The following ITPR2 variants were observed in gnomAD, a reference collection of about 807,000 sequenced individuals.
ITPR2 encodes inositol 1,4,5-trisphosphate receptor type 2.
In ITPR2, 207 loss-of-function variants were observed where a neutral mutation model predicts 317.1. That is an observed-to-expected ratio of 0.65 (90% confidence interval 0.58 to 0.73). ITPR2 has a LOEUF of 0.73. ITPR2 is among the 30% of genes least tolerant of loss of function. ITPR2 has a pLI of 0.00. For synonymous variants in ITPR2, 1,156 were observed against 1,149.1 expected, an observed-to-expected ratio of 1.01 and a Z score of -0.12; for missense variants, 2,613 against 3,284.0, an observed-to-expected ratio of 0.80 and a Z score of 4.99.
At chr12:26,749,157 A>G (rs1949375678) in intron 2 of ITPR2, among the ~76,000 whole-genome samples, 1 of 152,216 alleles carries the variant, frequency 6.6e-6, no homozygotes, top group East Asian at 1.9e-4. Flanking sequence ...CTGCAGTTTG[A>G]AAGTTCAAGA....
intron 2 of ITPR2, among the ~76,000 whole-genome samples, chr12:26,776,822 G>A (rs1949980684): frequency 6.6e-6 from 1 of 152,124 alleles, no homozygotes; most frequent in Non-Finnish European, 1.5e-5. Context: ...TTCTCCTCAG[G>A]AGCCATCCTC....
chr12:26,750,401 T>C (rs1949393814), intron 2 of ITPR2, among the ~76,000 whole-genome samples: 1 of 152,170 alleles, frequency 6.6e-6, no homozygotes, highest in Admixed American at 6.5e-5. Context: ...CCTCCTCTTC[T>C]GGTTAACACA....
intron 55 of ITPR2, among the ~76,000 whole-genome samples, chr12:26,352,226 A>G (rs1182083806): frequency 6.6e-6 from 1 of 152,236 alleles, no homozygotes; most frequent in Non-Finnish European, 1.5e-5. Context: ...TGAGATTTTC[A>G]TATGGAACAA....
At chr12:26,467,303 T>C (rs1407108135) in intron 45 of ITPR2, among the ~76,000 whole-genome samples, 1 of 152,126 alleles carries the variant, frequency 6.6e-6, no homozygotes, top group East Asian at 1.9e-4. Flanking sequence ...TAGCATGACA[T>C]AAAAAATCCC....
chr12:26,675,313 A>T (rs1201304713), intron 13 of ITPR2, among the ~76,000 whole-genome samples: 6 of 152,262 alleles, frequency 3.9e-5, no homozygotes, highest in Non-Finnish European at 7.3e-5. Flanking sequence ...TCCAACAATG[A>T]TAGACTGGAT....
In ITPR2 at chr12:26,552,139, T is replaced by A. The variant is rs377624691; in HGVS notation, c.4965-1784A>T. Among the ~76,000 whole-genome samples the A allele has an allele frequency of 2.0e-5, 3 of 152,060 alleles. No individual in the cohort carries two copies. The East Asian group carries it at 5.8e-4, about 29-fold the overall frequency. The stretch of plus-strand genomic sequence containing the variant: ...GAAGTGGAAGAGGAAGCAGGGCAGA[T>A]TAGAGACCCCTGAAATGTATAGACT... On this transcript the variant is annotated intron_variant, in intron 36 of 56. Coordinates refer to ENST00000381340, the MANE Select transcript of ITPR2 (RefSeq NM_002223.4).
At chr12:26,677,420 C>T (rs1275233185) in intron 13 of ITPR2, among the ~76,000 whole-genome samples, 1 of 151,836 alleles carries the variant, frequency 6.6e-6, no homozygotes, top group East Asian at 1.9e-4. Flanking sequence ...GGCAACACGG[C>T]GAAACCCTGT....
chr12:26,469,031 A>G (rs999937756), intron 45 of ITPR2, among the ~76,000 whole-genome samples: 1 of 152,158 alleles, frequency 6.6e-6, no homozygotes, highest in Admixed American at 6.5e-5. Flanking sequence ...TTCAAGATTT[A>G]GTTCAAATGT....
At chr12:26,636,508 T>C (rs902459086) in intron 21 of ITPR2, among the ~76,000 whole-genome samples, 1 of 152,162 alleles carries the variant, frequency 6.6e-6, no homozygotes, top group Non-Finnish European at 1.5e-5. Flanking sequence ...AAATGAACTA[T>C]TAAAAATGAG....
intron 36 of ITPR2, 97 bp downstream of exon 36, chr12:26,556,136 C>T (rs916245690): frequency 2.3e-5 from 27 of 1,156,242 alleles, no homozygotes; most frequent in Middle Eastern, 2.2e-4. Flanking sequence ...GCATACTTTG[C>T]GGACTGTCAT....
At chr12:26,593,498 C>G (rs1003735494) in intron 32 of ITPR2, among the ~76,000 whole-genome samples, 1 of 152,098 alleles carries the variant, frequency 6.6e-6, no homozygotes, top group Non-Finnish European at 1.5e-5. Flanking sequence ...TATTTCCTTC[C>G]CTGAAAAAGG....
intron 35 of ITPR2, among the ~76,000 whole-genome samples, chr12:26,560,800 C>A (rs911757280): frequency 1.3e-5 from 2 of 152,186 alleles, no homozygotes; most frequent in Non-Finnish European, 2.9e-5. Flanking sequence ...TCCTTCTAAT[C>A]CCGTATAACA....
At chr12:26,434,922 G>A (rs887179453) in intron 48 of ITPR2, among the ~76,000 whole-genome samples, 7 of 152,188 alleles carry the variant, frequency 4.6e-5, no homozygotes, top group African/African-American at 1.7e-4. Flanking sequence ...CACCAAAGGA[G>A]ACCAAACACA....
chr12:26,477,120 T>G, intron 43 of ITPR2, 113 bp from the exon 44 acceptor site: 1 of 596,956 alleles, frequency 1.7e-6, no homozygotes, highest in Non-Finnish European at 2.9e-6. Flanking sequence ...AAACGGAATT[T>G]AAAACTGCTA....
intron 13 of ITPR2, among the ~76,000 whole-genome samples, chr12:26,666,689 A>G (rs1284886710): frequency 1.3e-5 from 2 of 152,248 alleles, no homozygotes; most frequent in Non-Finnish European, 2.9e-5. Flanking sequence ...GAAGTATTAA[A>G]TGACCTATCA....
At chr12:26,666,363 C>T (rs900225279) in intron 13 of ITPR2, among the ~76,000 whole-genome samples, 1 of 152,174 alleles carries the variant, frequency 6.6e-6, no homozygotes, top group Admixed American at 6.5e-5. Flanking sequence ...CCAATCTCTA[C>T]TTGCGCCTCC....
chr12:26,528,843 G>A (rs538241095), intron 37 of ITPR2, among the ~76,000 whole-genome samples: 5 of 152,304 alleles, frequency 3.3e-5, no homozygotes, highest in African/African-American at 1.2e-4. Context: ...GGCACAGGGT[G>A]GGTGAGGTTC....
rs544656778 is a variant in ITPR2, at chr12:26,339,966, T to C, written c.8019+201A>G. ...TCCCCCTTCCATAGAAGGAGAAGTG[T>C]CGTGTGAGGCTCAGGGAGATGGGAT... On this transcript the variant is annotated intron_variant, in intron 56 of 56. Coordinates refer to ENST00000381340, the MANE Select transcript of ITPR2 (RefSeq NM_002223.4). Among the ~76,000 whole-genome samples, 29 of 152,278 alleles carry C rather than the reference T, an allele frequency of 1.9e-4. 1 individual carries two copies. Among genetic ancestry groups the C allele is most frequent in the African/African-American group, 6.7e-4 (28 of 41,546 alleles).
rs11048708 is a variant in ITPR2, at chr12:26,832,874, T to G, written c.-93A>C. 185,665 of 991,070 alleles carry G rather than the reference T, an allele frequency of 0.19. 18,543 individuals are homozygous for G. Among genetic ancestry groups the G allele is most frequent in the Non-Finnish European group, 0.21 (136,298 of 643,796 alleles). 61.4% of individuals were successfully genotyped at this position (991,070 alleles called of 1,614,324 possible). On this transcript the variant is annotated 5_prime_UTR_variant, in exon 1 of 57. Coordinates refer to ENST00000381340, the MANE Select transcript of ITPR2 (RefSeq NM_002223.4). ...GCCGCCGCGGCAGAAGCGGATCGGA[T>G]CGCGGGACTACAGCGGCCAAGAGCC... is the stretch of plus-strand genomic sequence containing the variant.
Sources: allele counts gnomAD v4.1 joint callset (sites outside exome capture counted in the v4.1 genomes callset), GRCh38; gene constraint gnomAD v4.1.1; transcripts MANE v1.5; gene names NCBI Gene and HGNC (gene_info 2026-07-23, HGNC 2026-07-21).